The following MAGI2 variants were observed in gnomAD, a reference collection of about 807,000 sequenced individuals.
MAGI2 encodes membrane associated guanylate kinase, WW and PDZ domain containing 2, also known as membrane-associated guanylate kinase, WW and PDZ domain-containing protein 2.
A neutral mutation model predicts 133.3 loss-of-function variants in MAGI2; 35 were observed. The ratio of observed to expected loss-of-function variants is 0.26; its 90% CI spans 0.20 to 0.35. MAGI2 has a LOEUF of 0.35. MAGI2 is among the 10% of genes least tolerant of loss of function. The pLI is 1.00. For synonymous variants in MAGI2, 729 were observed against 710.6 expected (o/e 1.03, Z -0.41); for missense variants, 1,636 against 1,863.4 (o/e 0.88, Z 2.25).
At chr7:78,924,905 A>T (rs1799573554) in intron 2 of MAGI2, among the ~76,000 whole-genome samples, 1 of 151,594 alleles carries the variant, frequency 6.6e-6, no homozygotes, top group Non-Finnish European at 1.5e-5. Flanking sequence ...TTAAATTTAA[A>T]GTCCCCTACT....
intron 2 of MAGI2, among the ~76,000 whole-genome samples, chr7:78,733,156 CCA>C (rs1211820116): frequency 2.0e-5 from 3 of 152,272 alleles, no homozygotes; most frequent in Admixed American, 2.0e-4. Context: ...ACTCAGCAAT[CCA>C]CATAGCAAAA....
intron 1 of MAGI2, among the ~76,000 whole-genome samples, chr7:79,449,732 G>A (rs1351805428): frequency 6.6e-6 from 1 of 151,764 alleles, no homozygotes; most frequent in East Asian, 1.9e-4. Context: ...GTGACAATAA[G>A]CCATATTTTA....
intron 1 of MAGI2, among the ~76,000 whole-genome samples, chr7:79,099,888 A>G (rs1035154625): frequency 2.0e-5 from 3 of 152,124 alleles, no homozygotes; most frequent in African/African-American, 7.2e-5. Context: ...TTCATTTTGG[A>G]GAACTTAGAA....
At chr7:78,610,285 G>C (rs141853171) in intron 3 of MAGI2, among the ~76,000 whole-genome samples, 1 of 152,306 alleles carries the variant, frequency 6.6e-6, no homozygotes, top group African/African-American at 2.4e-5. Flanking sequence ...GGGAACACTG[G>C]CCTTGGAGGA....
intron 2 of MAGI2, among the ~76,000 whole-genome samples, chr7:78,644,612 A>C (rs577306577): frequency 6.6e-6 from 1 of 152,298 alleles, no homozygotes; most frequent in South Asian, 2.1e-4. Context: ...CTAACTAAAA[A>C]CACAATATAT....
At chr7:78,961,171 T>C (rs1802804166) in intron 2 of MAGI2, among the ~76,000 whole-genome samples, 2 of 152,156 alleles carry the variant, frequency 1.3e-5, no homozygotes, top group South Asian at 4.1e-4. Flanking sequence ...GTAGGACTTT[T>C]AGCTTCAGGC....
chr7:79,220,095 G>C (rs1830326226), intron 1 of MAGI2, among the ~76,000 whole-genome samples: 1 of 152,034 alleles, frequency 6.6e-6, no homozygotes, highest in Non-Finnish European at 1.5e-5. Flanking sequence ...ATGGCAGAAA[G>C]GAGAATTCAG....
At chr7:79,202,212 A>G (rs893425076) in intron 1 of MAGI2, among the ~76,000 whole-genome samples, 1 of 151,914 alleles carries the variant, frequency 6.6e-6, no homozygotes, top group African/African-American at 2.4e-5. Context: ...CAGGGTGGTT[A>G]AAAACCTGTT....
At chr7:78,546,265 T>A (rs1013369285) in intron 3 of MAGI2, among the ~76,000 whole-genome samples, 2 of 152,218 alleles carry the variant, frequency 1.3e-5, no homozygotes, top group African/African-American at 2.4e-5. Context: ...TTTGTACTGC[T>A]ACTACTTCTA....
chr7:79,361,612 C>T (rs1480602448), intron 1 of MAGI2, among the ~76,000 whole-genome samples: 5 of 152,188 alleles, frequency 3.3e-5, no homozygotes, highest in African/African-American at 4.8e-5. Flanking sequence ...AGAGAGAATA[C>T]TCTATCCAAC....
At chr7:78,404,037 C>A (rs1194837711) in intron 6 of MAGI2, among the ~76,000 whole-genome samples, 3 of 151,988 alleles carry the variant, frequency 2.0e-5, no homozygotes, top group South Asian at 2.1e-4. Context: ...AAACAGAGAG[C>A]CAAATCATTA....
At chr7:78,723,058 G>A (rs1012337193) in intron 2 of MAGI2, among the ~76,000 whole-genome samples, 2 of 152,048 alleles carry the variant, frequency 1.3e-5, no homozygotes, top group African/African-American at 4.8e-5. Context: ...TAAATCCCAG[G>A]CCACCTTAAG....
intron 10 of MAGI2, among the ~76,000 whole-genome samples, chr7:78,241,730 C>G (rs953592261): frequency 6.6e-6 from 1 of 151,838 alleles, no homozygotes; most frequent in Admixed American, 6.6e-5. Flanking sequence ...GTCAGGAGTT[C>G]GAGACCAGCC....
intron 17 of MAGI2, chr7:78,134,478 T>A (rs1437504677): frequency 6.5e-6 from 1 of 153,824 alleles, no homozygotes; most frequent in Non-Finnish European, 1.4e-5. Context: ...TGATGTTCAC[T>A]ACTCTTTTGA....
chr7:78,447,182 T>C (rs182895886), intron 6 of MAGI2, among the ~76,000 whole-genome samples: 157 of 152,208 alleles, frequency 1.0e-3, no homozygotes, highest in African/African-American at 3.8e-3. Context: ...ATTTATTTAC[T>C]TAGAGTCTCT....
intron 1 of MAGI2, among the ~76,000 whole-genome samples, chr7:79,076,792 A>C (rs189940176): frequency 4.6e-5 from 7 of 152,224 alleles, no homozygotes; most frequent in Non-Finnish European, 7.4e-5. Flanking sequence ...TTTTAATGTA[A>C]ATTTTATTTT....
intron 2 of MAGI2, among the ~76,000 whole-genome samples, chr7:78,958,075 T>G (rs1802550348): frequency 6.6e-6 from 1 of 152,152 alleles, no homozygotes; most frequent in South Asian, 2.1e-4. Context: ...GGCAGGGGAA[T>G]AGGAGCCACT....
At chr7:78,400,311 G>A (rs1345856914) in intron 6 of MAGI2, among the ~76,000 whole-genome samples, 1 of 151,890 alleles carries the variant, frequency 6.6e-6, no homozygotes, top group Non-Finnish European at 1.5e-5. Context: ...AATGTTTCTA[G>A]GTTCCTCTTC....
chr7:78,133,032 G>C lies in MAGI2; in HGVS notation c.3060C>G (p.Ser1020Arg), dbSNP rs1821736856. ...GCGCCATGGGACTCTGCTTCTCTGA[G>C]CTGGGTGCCGAGGTGGGGCTGTTGA... ...EELNSPTSAPSSEKQSPMAQQ... is the reference protein window; with the variant it reads ...EELNSPTSAPRSEKQSPMAQQ... Residue 1020 changes from serine to arginine, a missense_variant, in exon 18 of 22, where the codon AGC becomes AGG. Physicochemically the swap from Ser to Arg is moderately radical, Grantham distance 110. This residue lies in a region of MAGI2 where 920 missense variants were observed against 1,093.5 expected (regional missense o/e 0.84). Coordinates refer to ENST00000354212, the MANE Select transcript of MAGI2 (RefSeq NM_012301.4). The C allele has an allele frequency of 6.3e-7, 1 of 1,586,268 alleles. No individual in the cohort carries two copies. The highest frequency in any genetic ancestry group is 8.6e-7 in the Non-Finnish European group (1 of 1,168,790).
Sources: allele counts gnomAD v4.1 joint callset (sites outside exome capture counted in the v4.1 genomes callset), GRCh38; gene constraint gnomAD v4.1.1; regional missense constraint gnomAD v4.1.1; transcripts MANE v1.5; gene names NCBI Gene and HGNC (gene_info 2026-07-23, HGNC 2026-07-21).